The following CCT5 variants were observed in gnomAD, a reference collection of about 807,000 sequenced individuals.
The protein encoded by CCT5 is T-complex protein 1 subunit epsilon.
Under a neutral mutation model 55.0 loss-of-function variants are expected in CCT5, and 6 were observed. The observed-to-expected ratio is 0.11, with a 90% CI of 0.06 to 0.22. The LOEUF (loss-of-function observed/expected upper bound fraction) is 0.22. Among genes scored for constraint, CCT5 ranks in the 10% least tolerant of loss-of-function variants. The probability of loss-of-function intolerance (pLI) is 1.00; values close to 1 mark genes in which losing one functional copy is unlikely to be tolerated. For missense variants in CCT5, 560 were observed against 694.6 expected, an observed-to-expected ratio of 0.81 and a Z score of 2.18; for synonymous variants, 231 against 243.7, an observed-to-expected ratio of 0.95 and a Z score of 0.49.
Position 10,255,973 on chromosome 5 carries a change from T to C in CCT5, c.350T>C (p.Leu117Ser). The C allele has an allele frequency of 6.2e-7, 1 of 1,614,222 alleles. No individual in the cohort carries two copies. The highest frequency in any genetic ancestry group is 8.5e-7 in the Non-Finnish European group (1 of 1,180,028). ...TTTGCAGTCCTGGCTGGTGCCTTGT[T>C]AGAAGAAGCGGAGCAATTGCTAGAC... ...TGVVVLAGAL[L>S]EEAEQLLDRG... Residue 117 changes from leucine (L) to serine (S), a missense_variant, in exon 4 of 11, where the codon TTA becomes TCA. By Grantham distance (145) the Leu-to-Ser change is moderately radical. Coordinates refer to ENST00000280326, the MANE Select transcript of CCT5 (RefSeq NM_012073.5).
intron 1 of CCT5, 50 bp from the exon 2 acceptor site, chr5:10,254,095 C>G (rs758769591): frequency 4.1e-6 from 5 of 1,209,110 alleles, no homozygotes; most frequent in Non-Finnish European, 4.9e-6. Context: ...GTGCTTTTAA[C>G]CATTGAAATT....
chr5:10,261,822 A>ACTC, intron 8 of CCT5, 77 bp downstream of exon 8: 1 of 1,071,380 alleles, frequency 9.3e-7, no homozygotes, highest in Non-Finnish European at 1.5e-6. Flanking sequence ...TGTGTATTTA[A>ACTC]CAGAGACACA....
At chr5:10,251,636 G>A (rs1386611525) in intron 1 of CCT5, among the ~76,000 whole-genome samples, 2 of 152,122 alleles carry the variant, frequency 1.3e-5, no homozygotes, top group Non-Finnish European at 2.9e-5. Context: ...TCCTTTTCCA[G>A]GGGGAGGTGA....
chr5:10,250,568 T>G, intron 1 of CCT5, 123 bp downstream of exon 1: 1 of 1,516,550 alleles, frequency 6.6e-7, no homozygotes, highest in Non-Finnish European at 8.8e-7. Context: ...AGAATCTCCG[T>G]CTCCCTGCGG....
At chr5:10,262,659 G>T in intron 9 of CCT5, 41 bp downstream of exon 9, 1 of 1,608,360 alleles carries the variant, frequency 6.2e-7, no homozygotes, top group Non-Finnish European at 8.5e-7. Context: ...TTCAGGCCTC[G>T]CTGATGGTGG....
chr5:10,258,513 A>T lies in CCT5; in HGVS notation c.851A>T (p.Lys284Ile). 6.2e-7 allele frequency: 1 copy of T among 1,613,838 alleles called. No individual in the cohort carries two copies. Residue 284 changes from lysine (K) to isoleucine (I), a missense_variant, in exon 6 of 11, where the codon AAA becomes ATA. This residue lies in a region of CCT5 where 256 missense variants were observed against 372.4 expected (regional missense o/e 0.69). Coordinates refer to ENST00000280326, the MANE Select transcript of CCT5 (RefSeq NM_012073.5). Reference protein sequence around the residue: ...YKALQKYEKEKFEEMIQQIKE... With the variant: ...YKALQKYEKEIFEEMIQQIKE... ...GCCCTTCAGAAATACGAAAAGGAGA[A>T]ATTTGAAGAGATGATTCAACAAGTA...
At chr5:10,251,088 C>T (rs1043352167) in intron 1 of CCT5, among the ~76,000 whole-genome samples, 2 of 152,132 alleles carry the variant, frequency 1.3e-5, no homozygotes, top group African/African-American at 4.8e-5. Context: ...AGGTAGCATT[C>T]TAGGGAGAGG....
rs754687206 is a variant in CCT5 at position 10,250,355 on chromosome 5, G to T, written c.15G>T (p.Gly5=). 1.2e-6 allele frequency: 2 copies of T among 1,614,146 alleles called. No individual in the cohort carries two copies. Among genetic ancestry groups the T allele is most frequent in the South Asian group, 1.1e-5 (1 of 91,088 alleles). ...GTTGTTGCACCATGGCGTCCATGGG[G>T]ACCCTCGCCTTCGATGAATATGGGC... MASM[G]TLAFDEYGRP... is the part of the protein sequence containing the mutation. The change falls in exon 1 of 11, where the codon GGG becomes GGT. Residue 5 remains glycine, a synonymous_variant. Coordinates refer to ENST00000280326, the MANE Select transcript of CCT5 (RefSeq NM_012073.5).
chr5:10,257,940 G>A (rs1042858462), intron 4 of CCT5, 171 bp from the exon 5 acceptor site: 1 of 705,388 alleles, frequency 1.4e-6, no homozygotes, highest in Non-Finnish European at 2.5e-6. Flanking sequence ...ATGGATCACA[G>A]GTTAAGAATC....
intron 3 of CCT5, among the ~76,000 whole-genome samples, chr5:10,255,672 A>G (rs1041183879): frequency 3.8e-4 from 58 of 151,902 alleles, no homozygotes; most frequent in African/African-American, 1.4e-3. Context: ...ATAGCTTTTT[A>G]CCTCTTAGAA....
chr5:10,252,303 C>A (rs949948346), intron 1 of CCT5, among the ~76,000 whole-genome samples: 1 of 152,070 alleles, frequency 6.6e-6, no homozygotes, highest in Admixed American at 6.5e-5. Flanking sequence ...TTGAAGGCAA[C>A]GGTAAAAGAA....
In CCT5 at chr5:10,256,114, C is replaced by T. The variant is rs771088141; in HGVS notation, c.491C>T (p.Pro164Leu). The T allele has an allele frequency of 1.2e-6, 2 of 1,613,852 alleles. No homozygotes were observed. The highest frequency in any genetic ancestry group is 2.2e-5 in the East Asian group (1 of 44,892). Reference sequence around the variant, plus strand: ...CTTGTTGACATAAAGGACACCGAACCCCTGATTCAGACAGCAAAAACCACG... The same window carrying T: ...CTTGTTGACATAAAGGACACCGAACTCCTGATTCAGACAGCAAAAACCACG... ...SVLVDIKDTE[P>L]LIQTAKTTLG... is the part of the protein sequence containing the mutation. The change falls in exon 4 of 11, where the codon CCC (proline) becomes CTC (leucine). Residue 164 changes from proline to leucine, a missense_variant. Transcript: ENST00000280326.
intron 10 of CCT5, among the ~76,000 whole-genome samples, chr5:10,264,030 T>A (rs1013886700): frequency 6.6e-6 from 1 of 152,322 alleles, no homozygotes; most frequent in South Asian, 2.1e-4. Context: ...CCCAGCACTT[T>A]AGGAGGCCAA....
chr5:10,252,926 AAATAAT>A (rs898704784), intron 1 of CCT5, among the ~76,000 whole-genome samples: 2 of 151,926 alleles, frequency 1.3e-5, no homozygotes, highest in African/African-American at 2.4e-5. Context: ...TTCTCCTTAA[AAATAAT>A]AATAATAATA....
intron 3 of CCT5, among the ~76,000 whole-genome samples, chr5:10,255,276 A>G (rs764181304): frequency 2.0e-5 from 3 of 152,242 alleles, no homozygotes; most frequent in Non-Finnish European, 4.4e-5. Context: ...TAATTCTCAA[A>G]TAGTTGAACA....
chr5:10,260,230 C>G (rs192739194), intron 6 of CCT5, among the ~76,000 whole-genome samples: 3 of 152,104 alleles, frequency 2.0e-5, no homozygotes, highest in Non-Finnish European at 4.4e-5. Context: ...GCAGCCTGAT[C>G]GTTGCCCTCC....
Position 10,258,139 on chromosome 5 carries a change from G to A in CCT5, c.559G>A (p.Glu187Lys), listed in dbSNP as rs1204572215. 6.2e-7 allele frequency: 1 copy of A among 1,614,246 alleles called. No individual in the cohort carries two copies. The highest frequency in any genetic ancestry group is 1.3e-5 in the African/African-American group (1 of 75,076). Residue 187 changes from glutamate to lysine, a missense_variant, in exon 5 of 11, where the codon GAG (glutamate) becomes AAG (lysine). Physicochemically the swap from Glu to Lys is moderately conservative, Grantham distance 56 (BLOSUM62 1). Transcript: ENST00000280326. ...CAACAGTTGTCACCGACAGATGGCT[G>A]AGATTGCTGTGAATGCCGTCCTCAC... Reference protein sequence around the residue: ...VVNSCHRQMAEIAVNAVLTVA... With the variant: ...VVNSCHRQMAKIAVNAVLTVA...
intron 1 of CCT5, among the ~76,000 whole-genome samples, 182 bp from the exon 2 acceptor site, chr5:10,253,963 T>G (rs1745551933): frequency 6.6e-6 from 1 of 152,254 alleles, no homozygotes; most frequent in South Asian, 2.1e-4. Flanking sequence ...TACGTAAGAA[T>G]TGCTTATTAA....
intron 6 of CCT5, 48 bp downstream of exon 6, chr5:10,258,583 C>G: frequency 6.5e-7 from 1 of 1,542,552 alleles, no homozygotes; most frequent in Non-Finnish European, 9.0e-7. Flanking sequence ...CCAAAGGGTA[C>G]AGTTAGTTAG....
Sources: allele counts gnomAD v4.1 joint callset (sites outside exome capture counted in the v4.1 genomes callset), GRCh38; gene constraint gnomAD v4.1.1; regional missense constraint gnomAD v4.1.1; transcripts MANE v1.5; gene names NCBI Gene and HGNC (gene_info 2026-07-23, HGNC 2026-07-21).